The following MAN1B1 variants were observed in gnomAD, a reference collection of about 807,000 sequenced individuals.
The protein encoded by MAN1B1 is endoplasmic reticulum mannosyl-oligosaccharide 1,2-alpha-mannosidase.
Under a neutral mutation model 75.5 loss-of-function variants are expected in MAN1B1, and 66 were observed. The ratio of observed to expected loss-of-function variants is 0.87; its 90% CI spans 0.72 to 1.07. The LOEUF is 1.07. Ranked by LOEUF, MAN1B1 falls within the 50% of genes least tolerant of loss-of-function variation. The pLI is 0.00. For missense variants in MAN1B1, 973 were observed against 912.5 expected, an observed-to-expected ratio of 1.07 and a Z score of -0.85; for synonymous variants, 453 against 382.8, an observed-to-expected ratio of 1.18 and a Z score of -2.14.
At chr9:137,087,335 C>T (rs1830399815) in intron 1 of MAN1B1, 117 bp downstream of exon 1, 11 of 1,168,140 alleles carry the variant, frequency 9.4e-6, no homozygotes, top group Admixed American at 9.4e-5. Context: ...GCCGCCCTCT[C>T]CACCCCTTCC....
intron 8 of MAN1B1, chr9:137,102,791 C>A: frequency 2.4e-6 from 1 of 423,576 alleles, no homozygotes; most frequent in South Asian, 1.6e-5. Flanking sequence ...TGGTGTTACA[C>A]ACATTCATGC....
At chr9:137,101,755 G>GT in intron 8 of MAN1B1, 83 bp downstream of exon 8, 1 of 1,372,874 alleles carries the variant, frequency 7.3e-7, no homozygotes, top group Non-Finnish European at 1.0e-6. Flanking sequence ...GTGTGTGTGT[G>GT]TATGTGCATG....
intron 3 of MAN1B1, 198 bp downstream of exon 3, chr9:137,089,203 G>A (rs896625681): frequency 1.8e-5 from 12 of 682,760 alleles, no homozygotes; most frequent in Non-Finnish European, 3.1e-5. Context: ...GACCAGCCAT[G>A]GCCAGTTCCG....
At chr9:137,095,702 C>T (rs950054843) in intron 3 of MAN1B1, among the ~76,000 whole-genome samples, 2 of 152,156 alleles carry the variant, frequency 1.3e-5, no homozygotes, top group Middle Eastern at 3.2e-3. Flanking sequence ...CTCCTGTTCA[C>T]GTGGGGAAGG....
At chr9:137,106,455 G>A in intron 9 of MAN1B1, 140 bp downstream of exon 9, 1 of 1,013,906 alleles carries the variant, frequency 9.9e-7, no homozygotes, top group Non-Finnish European at 1.4e-6. Context: ...AGCCGTGCCA[G>A]GCCTGGCCCA....
At chr9:137,101,286 A>G in intron 7 of MAN1B1, 133 bp downstream of exon 7, 2 of 1,305,274 alleles carry the variant, frequency 1.5e-6, no homozygotes, top group Non-Finnish European at 1.1e-6. Context: ...TTCTGAGCTC[A>G]TATTCGTGAG....
chr9:137,106,387 C>T, intron 9 of MAN1B1, 72 bp downstream of exon 9: 2 of 1,383,716 alleles, frequency 1.4e-6, no homozygotes, highest in South Asian at 1.3e-5. Context: ...CTGCTGCCCC[C>T]AGCTCCCACG....
chr9:137,101,187 T>C lies in MAN1B1; in HGVS notation c.1065+34T>C, dbSNP rs988651815. On this transcript the variant is annotated intron_variant, in intron 7 of 12. Coordinates refer to ENST00000371589, the MANE Select transcript of MAN1B1 (RefSeq NM_016219.5). Reference sequence around the variant, plus strand: ...CTTGGGGTGTCCTGCAGGGAGATGGTGGACTCGCATTCAAGCAGTTACCCC... The same window carrying C: ...CTTGGGGTGTCCTGCAGGGAGATGGCGGACTCGCATTCAAGCAGTTACCCC... The C allele has an allele frequency of 6.8e-6, 11 of 1,612,232 alleles. No homozygotes were observed. In the African/African-American group the frequency reaches 1.3e-4, roughly 20 times the overall value.
At position 137,096,400 on chromosome 9, in the gene MAN1B1, C is replaced by T. The variant is rs535697514; in HGVS notation, c.620+9C>T. The stretch of plus-strand genomic sequence containing the variant: ...CAGAGGACAGTCATCAGGTACAGAG[C>T]GCAGGGCAGGCTGCACGCCGCCGCT... On this transcript the variant is annotated intron_variant, in intron 4 of 12. Transcript: ENST00000371589. 75 of 1,613,066 alleles carry T rather than the reference C, an allele frequency of 4.6e-5. No individual in the cohort carries two copies. In the Middle Eastern group the frequency reaches 1.3e-3, roughly 29 times the overall value.
chr9:137,099,109 C>T (rs943166019), intron 5 of MAN1B1, among the ~76,000 whole-genome samples: 1 of 152,138 alleles, frequency 6.6e-6, no homozygotes, highest in Non-Finnish European at 1.5e-5. Context: ...GGATTACAGG[C>T]GGGAGCCACC....
chr9:137,107,933 T>C (rs1263023502), intron 12 of MAN1B1: 3 of 641,018 alleles, frequency 4.7e-6, no homozygotes, highest in Non-Finnish European at 8.5e-6. Context: ...GGAGGGTCTC[T>C]GCTGTGGGCC....
rs769814505 is a variant in MAN1B1, at chr9:137,107,286, C to T, written c.1603C>T (p.Leu535=). Residue 535 remains leucine (L), a synonymous_variant, in exon 11 of 13, where the codon CTG becomes TTG. Transcript: ENST00000371589. ...LVCFLPGTLA[L]GVYHGLPASH... ...GTGCTTCCTGCCAGGGACGCTGGCT[C>T]TGGGCGTCTACCACGGCCTGCCCGC... 4.2e-5 allele frequency: 68 copies of T among 1,612,958 alleles called. No homozygotes were observed. Among genetic ancestry groups the T allele is most frequent in the South Asian group, 8.8e-5 (8 of 91,088 alleles).
chr9:137,098,292 T>C (rs12375806), intron 5 of MAN1B1, among the ~76,000 whole-genome samples: 43,760 of 152,226 alleles, frequency 0.29, 7,700 homozygotes, highest in Non-Finnish European at 0.41. Context: ...GCACCGTTTG[T>C]TGGGGGCCTC....
intron 8 of MAN1B1, chr9:137,103,246 G>A (rs1371037554): frequency 2.1e-4 from 89 of 424,798 alleles, no homozygotes; most frequent in Admixed American, 4.5e-4. Context: ...TGTTGCAGGC[G>A]TGCAGGTCGG....
intron 5 of MAN1B1, among the ~76,000 whole-genome samples, chr9:137,099,320 T>G (rs1342165262): frequency 6.6e-6 from 1 of 152,270 alleles, no homozygotes; most frequent in East Asian, 1.9e-4. Context: ...CAGGCTGTGC[T>G]CACTGTGCTG....
intron 7 of MAN1B1, 33 bp downstream of exon 7, chr9:137,101,186 G>C: frequency 1.2e-6 from 2 of 1,612,462 alleles, no homozygotes; most frequent in Non-Finnish European, 1.7e-6. Context: ...CAGGGAGATG[G>C]TGGACTCGCA....
In MAN1B1 at chr9:137,106,275, C is replaced by T. The variant is rs1438571590; in HGVS notation, c.1405C>T (p.Leu469=). ...CAGGGCCGACAGCTACTATGAGTACCTGCTGAAGCAGTGGATCCAGGGCGG... is the reference window on the plus strand; with the variant it reads ...CAGGGCCGACAGCTACTATGAGTACTTGCTGAAGCAGTGGATCCAGGGCGG... ...GARADSYYEY[L]LKQWIQGGKQ... The change falls in exon 9 of 13, where the codon CTG becomes TTG. Residue 469 remains leucine (L), a synonymous_variant. Coordinates refer to ENST00000371589, the MANE Select transcript of MAN1B1 (RefSeq NM_016219.5). The T allele has an allele frequency of 1.9e-6, 3 of 1,565,598 alleles. No individual in the cohort carries two copies. The highest frequency in any genetic ancestry group is 2.6e-6 in the Non-Finnish European group (3 of 1,155,384).
intron 3 of MAN1B1, 48 bp downstream of exon 3, chr9:137,089,053 G>A (rs183157857): frequency 4.5e-5 from 73 of 1,610,356 alleles, no homozygotes; most frequent in Non-Finnish European, 3.4e-5. Flanking sequence ...TCAATCCAGA[G>A]GCATTTCAAA....
At chr9:137,097,975 CAG>C (rs759384271) in intron 5 of MAN1B1, 38 bp downstream of exon 5, 44 of 1,489,772 alleles carry the variant, frequency 3.0e-5, no homozygotes, top group South Asian at 1.8e-4. Flanking sequence ...CCCGGGCGCT[CAG>C]GGGCTGGTGG....
Sources: allele counts gnomAD v4.1 joint callset (sites outside exome capture counted in the v4.1 genomes callset), GRCh38; gene constraint gnomAD v4.1.1; transcripts MANE v1.5; gene names NCBI Gene and HGNC (gene_info 2026-07-23, HGNC 2026-07-21).